Variants in COL8A1 observed in about 807,000 individuals in gnomAD.
The protein encoded by COL8A1 is collagen type VIII alpha 1 chain.
COL8A1 carries 21 observed loss-of-function variants against 42.7 expected under a neutral mutation model. The ratio of observed to expected loss-of-function variants is 0.49; its 90% CI spans 0.35 to 0.71. COL8A1 has a LOEUF of 0.71. COL8A1 is among the 30% of genes least tolerant of loss of function. The probability of loss-of-function intolerance (pLI) is 0.01; values close to 1 mark genes in which losing one functional copy is unlikely to be tolerated. For synonymous variants in COL8A1, 367 were observed against 369.1 expected (o/e 0.99, Z 0.06); for missense variants, 788 against 962.4 (o/e 0.82, Z 2.40).
rs148711176 is a variant in COL8A1 at position 99,668,539 on chromosome 3, T to C, written c.-129+29875T>C. ...TCATCTTCTAAAACATAATGCCATT[T>C]CACATGTATCTTTAATATTTACTTT... is the stretch of plus-strand genomic sequence containing the variant. On this transcript the variant is annotated intron_variant, in intron 1 of 3. Coordinates refer to ENST00000652472, the MANE Select transcript of COL8A1 (RefSeq NM_020351.4). Among the ~76,000 whole-genome samples, 340 of 152,252 alleles carry C rather than the reference T, an allele frequency of 2.2e-3. 3 individuals carry two copies. Among genetic ancestry groups the C allele is most frequent in the African/African-American group, 8.0e-3 (334 of 41,582 alleles).
At chr3:99,696,405 G>A (rs902142926) in intron 1 of COL8A1, among the ~76,000 whole-genome samples, 4 of 152,164 alleles carry the variant, frequency 2.6e-5, no homozygotes, top group African/African-American at 9.7e-5. Context: ...TCTGCTAGGG[G>A]CCCCTACCAG....
chr3:99,655,303 G>T (rs566332725), intron 1 of COL8A1, among the ~76,000 whole-genome samples: 4 of 152,126 alleles, frequency 2.6e-5, no homozygotes, highest in Admixed American at 1.3e-4. Flanking sequence ...TAGCAAGTCA[G>T]CTACCTAATA....
At position 99,740,903 on chromosome 3, in the gene COL8A1, G is replaced by A. The variant is rs554424493; in HGVS notation, c.-128-3994G>A. Among the ~76,000 whole-genome samples the A allele has an allele frequency of 3.0e-3, 462 of 152,020 alleles. 4 individuals carry two copies. Among genetic ancestry groups the A allele is most frequent in the African/African-American group, 0.011 (439 of 41,472 alleles). ...ATTTATTTAACTGTATTGATTTTTA[G>A]CTTGTTTCCATATCTTTACTCCTAT... On this transcript the variant is annotated intron_variant, in intron 1 of 3. Transcript: ENST00000652472.
intron 1 of COL8A1, among the ~76,000 whole-genome samples, chr3:99,650,751 T>G (rs547380521): frequency 6.6e-6 from 1 of 152,316 alleles, no homozygotes; most frequent in East Asian, 1.9e-4. Flanking sequence ...GGTACTGGAT[T>G]TTTTACATTT....
chr3:99,727,890 C>A (rs1352610396), intron 1 of COL8A1, among the ~76,000 whole-genome samples: 4 of 151,784 alleles, frequency 2.6e-5, no homozygotes, highest in African/African-American at 4.8e-5. Context: ...AAGAAAAAAA[C>A]CACATGATTA....
At chr3:99,698,481 TAGC>T (rs1386945220) in intron 1 of COL8A1, among the ~76,000 whole-genome samples, 1 of 152,194 alleles carries the variant, frequency 6.6e-6, no homozygotes, top group Non-Finnish European at 1.5e-5. Context: ...GTAAGAGAAA[TAGC>T]AGAATTGATG....
At chr3:99,671,064 A>G (rs1417687539) in intron 1 of COL8A1, among the ~76,000 whole-genome samples, 1 of 151,856 alleles carries the variant, frequency 6.6e-6, no homozygotes, top group Non-Finnish European at 1.5e-5. Context: ...TTCTCTATAA[A>G]TCTACAACTG....
chr3:99,640,892 A>T (rs758845683), intron 1 of COL8A1, among the ~76,000 whole-genome samples: 1 of 152,110 alleles, frequency 6.6e-6, no homozygotes, highest in Non-Finnish European at 1.5e-5. Context: ...GATCAAGTCC[A>T]TGACTATACC....
At chr3:99,752,945 G>A (rs190108159) in intron 2 of COL8A1, among the ~76,000 whole-genome samples, 7 of 152,036 alleles carry the variant, frequency 4.6e-5, no homozygotes, top group Admixed American at 1.3e-4. Flanking sequence ...CCTGGAGCCC[G>A]GCTCTGCCAC....
intron 1 of COL8A1, among the ~76,000 whole-genome samples, chr3:99,664,635 C>T (rs1938308504): frequency 6.6e-6 from 1 of 152,254 alleles, no homozygotes; most frequent in Non-Finnish European, 1.5e-5. Flanking sequence ...CCGACTCTGA[C>T]ATCCCTCTTC....
intron 1 of COL8A1, among the ~76,000 whole-genome samples, chr3:99,669,491 T>C (rs993562094): frequency 6.6e-6 from 1 of 151,984 alleles, no homozygotes; most frequent in African/African-American, 2.4e-5. Flanking sequence ...ACTGAGATAA[T>C]TGAGAAGAAT....
rs182776544 is a variant in COL8A1, at chr3:99,742,684, T to G, written c.-128-2213T>G. ...GTTGAAAAACGGCAATTTAGGCATCTTCACTGTTTTTTCTCTGCTTCCACT... is the reference window on the plus strand; with the variant it reads ...GTTGAAAAACGGCAATTTAGGCATCGTCACTGTTTTTTCTCTGCTTCCACT... On this transcript the variant is annotated intron_variant, in intron 1 of 3. Transcript: ENST00000652472. Among the ~76,000 whole-genome samples, 1,022 of 152,330 alleles carry G rather than the reference T, an allele frequency of 6.7e-3. 15 individuals are homozygous for G. Among genetic ancestry groups the G allele is most frequent in the African/African-American group, 0.023 (963 of 41,566 alleles).
At chr3:99,713,972 G>T (rs1176210413) in intron 1 of COL8A1, among the ~76,000 whole-genome samples, 1 of 151,958 alleles carries the variant, frequency 6.6e-6, no homozygotes, top group East Asian at 1.9e-4. Flanking sequence ...GAGAGGGGAG[G>T]AGAAAAAGAC....
intron 1 of COL8A1, among the ~76,000 whole-genome samples, chr3:99,687,624 T>C (rs1408795129): frequency 6.6e-6 from 1 of 152,176 alleles, no homozygotes; most frequent in Non-Finnish European, 1.5e-5. Context: ...TATCATCCAA[T>C]TGCTTGCACA....
At chr3:99,648,865 T>C (rs1937743084) in intron 1 of COL8A1, among the ~76,000 whole-genome samples, 1 of 152,152 alleles carries the variant, frequency 6.6e-6, no homozygotes, top group Admixed American at 6.5e-5. Flanking sequence ...CCCCAAGCCA[T>C]GAGAGTCACC....
chr3:99,770,550 C>A (rs1386278319), intron 2 of COL8A1, among the ~76,000 whole-genome samples: 1 of 152,090 alleles, frequency 6.6e-6, no homozygotes, highest in Non-Finnish European at 1.5e-5. Context: ...AAATGACAGC[C>A]AGTGAATTGG....
At chr3:99,718,855 A>G (rs2107366564) in intron 1 of COL8A1, among the ~76,000 whole-genome samples, 1 of 152,258 alleles carries the variant, frequency 6.6e-6, no homozygotes, top group South Asian at 2.1e-4. Context: ...TTAGGAAAAG[A>G]TTTCATATTC....
chr3:99,674,110 T>G (rs960897022), intron 1 of COL8A1, among the ~76,000 whole-genome samples: 1 of 152,074 alleles, frequency 6.6e-6, no homozygotes, highest in Non-Finnish European at 1.5e-5. Flanking sequence ...TATGATCTCT[T>G]GCTTTTTCAT....
chr3:99,669,141 ATATATAGAGG>A (rs1475524445), intron 1 of COL8A1, among the ~76,000 whole-genome samples: 1 of 121,878 alleles, frequency 8.2e-6, no homozygotes, highest in Admixed American at 8.9e-5. Flanking sequence ...ATATATATAT[ATATATAGAGG>A]GAGAGAGAGA....
Sources: gnomAD v4.1 joint callset for allele counts (sites outside exome capture counted in the v4.1 genomes callset) on GRCh38, gnomAD v4.1.1 for gene constraint, MANE v1.5 for transcripts, NCBI Gene and HGNC (gene_info 2026-07-23, HGNC 2026-07-21) for gene names.